Variants in TBC1D12 observed in about 807,000 individuals in gnomAD.
TBC1D12 encodes TBC1 domain family, member 12.
A neutral mutation model predicts 86.7 loss-of-function variants in TBC1D12; 56 were observed. That is an observed-to-expected ratio of 0.65 (90% CI 0.52 to 0.81). The LOEUF is 0.81. Ranked by LOEUF, TBC1D12 falls within the 30% of genes least tolerant of loss-of-function variation. TBC1D12 has a pLI of 0.00. For synonymous variants in TBC1D12, 421 were observed against 411.7 expected (o/e 1.02, Z -0.27); for missense variants, 1,023 against 1,038.8 (o/e 0.98, Z 0.21).
intron 3 of TBC1D12, among the ~76,000 whole-genome samples, chr10:94,479,414 A>G (rs1564967648): frequency 2.6e-5 from 4 of 152,158 alleles, no homozygotes; most frequent in Non-Finnish European, 4.4e-5. Context: ...TATGGAATCC[A>G]TCATTGCTTT....
rs539199430 is a variant in TBC1D12 at position 94,483,880 on chromosome 10, C to T, written c.1211+9097C>T. On this transcript the variant is annotated intron_variant, in intron 3 of 12. Coordinates refer to ENST00000225235, the MANE Select transcript of TBC1D12 (RefSeq NM_015188.2). ...AGTCCAGTGTCCTGGAGAGTTTCCC[C>T]AGTGTTTTCTTCTGGTAGTTTCATA... is the stretch of plus-strand genomic sequence containing the variant. Among the ~76,000 whole-genome samples the T allele has an allele frequency of 1.4e-3, 211 of 152,238 alleles. 1 individual carries two copies. The highest frequency in any genetic ancestry group is 2.3e-3 in the Non-Finnish European group (157 of 68,014).
intron 1 of TBC1D12, among the ~76,000 whole-genome samples, chr10:94,428,282 CTTTTTTTTTTT>C (rs894535771): frequency 1.3e-4 from 13 of 99,924 alleles, no homozygotes; most frequent in East Asian, 1.2e-3. Flanking sequence ...TTTGGAACTT[CTTTTTTTTTTT>C]TTTTTTTTTT....
Position 94,403,105 on chromosome 10 carries a change from C to T in TBC1D12, c.492C>T (p.Arg164=), listed in dbSNP as rs990533941. Residue 164 remains arginine (R), a synonymous_variant, in exon 1 of 13, where the codon CGC becomes CGT. Transcript: ENST00000225235. ...GLARAGGRES[R]RRRPYGRLRL... is the part of the protein sequence containing the mutation. ...CGCGCGCCGGCGGCCGGGAGTCGCGCCGCCGCCGCCCCTACGGCCGCCTTC... is the reference window on the plus strand; with the variant it reads ...CGCGCGCCGGCGGCCGGGAGTCGCGTCGCCGCCGCCCCTACGGCCGCCTTC... 2.2e-6 allele frequency: 3 copies of T among 1,387,784 alleles called. No homozygotes were observed. The highest frequency in any genetic ancestry group is 2.8e-6 in the Non-Finnish European group (3 of 1,076,604). 86.0% of individuals were successfully genotyped at this position (1,387,784 alleles called of 1,614,324 possible).
chr10:94,514,826 T>C (rs2134212373), intron 9 of TBC1D12, among the ~76,000 whole-genome samples: 1 of 152,274 alleles, frequency 6.6e-6, no homozygotes, highest in Non-Finnish European at 1.5e-5. Context: ...TTTTTAGTTT[T>C]TTTTGAAGAA....
intron 9 of TBC1D12, among the ~76,000 whole-genome samples, chr10:94,519,418 G>A (rs919238357): frequency 3.9e-5 from 6 of 151,950 alleles, no homozygotes; most frequent in African/African-American, 1.2e-4. Flanking sequence ...TAGGCGAGGC[G>A]CAGTGGCTCA....
intron 6 of TBC1D12, 96 bp downstream of exon 6, chr10:94,500,423 T>A: frequency 1.1e-6 from 1 of 944,890 alleles, no homozygotes; most frequent in Non-Finnish European, 1.6e-6. Context: ...ATAAATGGCC[T>A]TTATCATATA....
At chr10:94,461,619 C>G (rs555804252) in intron 2 of TBC1D12, among the ~76,000 whole-genome samples, 1 of 151,876 alleles carries the variant, frequency 6.6e-6, no homozygotes, top group African/African-American at 2.4e-5. Context: ...ATTTTTTTTC[C>G]TTTTTTAAAT....
At chr10:94,452,979 T>C (rs79109155) in intron 2 of TBC1D12, among the ~76,000 whole-genome samples, 2,542 of 152,258 alleles carry the variant, frequency 0.017, 94 homozygotes, top group African/African-American at 0.058. Context: ...GCCATTCTCA[T>C]AGCTGTGTGG....
intron 1 of TBC1D12, among the ~76,000 whole-genome samples, chr10:94,418,464 T>C (rs1220501183): frequency 2.0e-5 from 3 of 152,200 alleles, no homozygotes; most frequent in African/African-American, 7.2e-5. Flanking sequence ...AAATACCTTC[T>C]TTAGGTTTTC....
chr10:94,416,789 T>G (rs927825211), intron 1 of TBC1D12, among the ~76,000 whole-genome samples: 6 of 152,238 alleles, frequency 3.9e-5, no homozygotes, highest in Non-Finnish European at 8.8e-5. Context: ...TTACAGTAGA[T>G]GAAACATGAA....
intron 1 of TBC1D12, among the ~76,000 whole-genome samples, chr10:94,432,781 G>GTT (rs57041867): frequency 2.3e-4 from 33 of 146,614 alleles, no homozygotes; most frequent in East Asian, 7.9e-4. Flanking sequence ...TATTTTGGAG[G>GTT]TTTTTTTTTT....
intron 3 of TBC1D12, among the ~76,000 whole-genome samples, chr10:94,485,276 T>G (rs1389659218): frequency 2.0e-5 from 3 of 152,146 alleles, no homozygotes; most frequent in African/African-American, 7.2e-5. Context: ...CTGTCCCCAG[T>G]GTTTTAGGGC....
intron 1 of TBC1D12, among the ~76,000 whole-genome samples, chr10:94,411,535 T>G (rs1306294145): frequency 1.3e-5 from 2 of 152,132 alleles, no homozygotes. Context: ...CTGGGCAGCA[T>G]AGCAAGACCC....
At chr10:94,424,117 C>T (rs550300760) in intron 1 of TBC1D12, among the ~76,000 whole-genome samples, 5 of 152,138 alleles carry the variant, frequency 3.3e-5, no homozygotes, top group Non-Finnish European at 7.4e-5. Flanking sequence ...AATAGTGCAC[C>T]AGTTTATATA....
At chr10:94,488,319 C>G (rs1007937522) in intron 3 of TBC1D12, among the ~76,000 whole-genome samples, 4 of 141,766 alleles carry the variant, frequency 2.8e-5, no homozygotes, top group Non-Finnish European at 6.1e-5. Context: ...ACATGGGAGG[C>G]GGAGGCTGCA....
intron 1 of TBC1D12, among the ~76,000 whole-genome samples, chr10:94,429,090 ACT>A (rs1305681803): frequency 2.0e-5 from 3 of 150,358 alleles, no homozygotes; most frequent in Non-Finnish European, 4.4e-5. Context: ...TTCTCTGAAC[ACT>A]CTCCAATGTT....
chr10:94,493,357 T>A lies in TBC1D12; in HGVS notation c.1212-8T>A. The A allele has an allele frequency of 6.2e-7, 1 of 1,604,342 alleles. No individual in the cohort carries two copies. The highest frequency in any genetic ancestry group is 1.1e-5 in the South Asian group (1 of 88,078). On this transcript the variant is annotated splice_region_variant and splice_polypyrimidine_tract_variant and intron_variant, in intron 3 of 12. Transcript: ENST00000225235. ...AATTGTCTTGACTTAAGTAATTTTT[T>A]TTTCCAGAAATCTTCCTGCCAAATC...
At chr10:94,452,419 A>G (rs1307588125) in intron 2 of TBC1D12, among the ~76,000 whole-genome samples, 1 of 152,136 alleles carries the variant, frequency 6.6e-6, no homozygotes, top group African/African-American at 2.4e-5. Flanking sequence ...CACTACACTA[A>G]AAATTGTGCT....
intron 1 of TBC1D12, among the ~76,000 whole-genome samples, chr10:94,435,935 T>C (rs1483212101): frequency 6.6e-6 from 1 of 152,250 alleles, no homozygotes; most frequent in African/African-American, 2.4e-5. Flanking sequence ...TCTTTCCTCG[T>C]TGATCTGCAG....
Sources: gnomAD v4.1 joint callset for allele counts (sites outside exome capture counted in the v4.1 genomes callset) on GRCh38, gnomAD v4.1.1 for gene constraint, MANE v1.5 for transcripts, NCBI Gene and HGNC (gene_info 2026-07-23, HGNC 2026-07-21) for gene names.